The following FAM234B variants were observed in gnomAD, a reference collection of about 807,000 sequenced individuals.
FAM234B encodes the protein protein FAM234B.
Under a neutral mutation model 69.3 loss-of-function variants are expected in FAM234B, and 33 were observed. The ratio of observed to expected loss-of-function variants is 0.48; its 90% CI spans 0.36 to 0.64. The LOEUF (loss-of-function observed/expected upper bound fraction) is 0.64, where lower values mean the gene tolerates loss of function less well. Among genes scored for constraint, FAM234B ranks in the 30% least tolerant of loss-of-function variants. FAM234B has a pLI of 0.00. For missense variants in FAM234B, 697 were observed against 769.7 expected (o/e 0.91, Z 1.12); for synonymous variants, 306 against 306.9 (o/e 1.00, Z 0.03).
chr12:13,078,621 A>T (rs1339954824), intron 11 of FAM234B, among the ~76,000 whole-genome samples: 1 of 152,208 alleles, frequency 6.6e-6, no homozygotes, highest in Non-Finnish European at 1.5e-5. Flanking sequence ...AGATGACATG[A>T]TTGCATATCT....
At chr12:13,048,615 T>C (rs1302074710) in intron 1 of FAM234B, among the ~76,000 whole-genome samples, 2 of 152,234 alleles carry the variant, frequency 1.3e-5, no homozygotes, top group Non-Finnish European at 2.9e-5. Context: ...TTTCTAGTCT[T>C]TTTAAAGCCT....
At chr12:13,058,295 T>C (rs1864952067) in intron 2 of FAM234B, among the ~76,000 whole-genome samples, 156 bp from the exon 3 acceptor site, 1 of 152,182 alleles carries the variant, frequency 6.6e-6, no homozygotes. Flanking sequence ...GTCCAGGGCT[T>C]TTCCATGCAC....
chr12:13,074,946 A>G (rs1249232112), intron 10 of FAM234B, among the ~76,000 whole-genome samples: 1 of 152,300 alleles, frequency 6.6e-6, no homozygotes, highest in Non-Finnish European at 1.5e-5. Context: ...GAGGAGAGGC[A>G]CTTGGGAAGC....
intron 9 of FAM234B, 24 bp downstream of exon 9, chr12:13,068,735 A>G: frequency 6.8e-7 from 1 of 1,467,676 alleles, no homozygotes; most frequent in African/African-American, 1.4e-5. Context: ...CCTCAGATCA[A>G]TCAAAGCATA....
Position 13,080,002 on chromosome 12 carries a change from C to G in FAM234B, c.1856C>G (p.Pro619Arg). The change falls in exon 12 of 13, where the codon CCC becomes CGC. Residue 619 changes from proline to arginine, a missense_variant. By Grantham distance (103) the Pro-to-Arg change is moderately radical. Coordinates refer to ENST00000197268, the MANE Select transcript of FAM234B (RefSeq NM_020853.2). ...FLSRIKFVEAPYEI is the reference protein window; with the variant it reads ...FLSRIKFVEARYEI ...TCTAGGATAAAGTTTGTTGAAGCTCCCTACGAGGTGAGTGGCTGCAGAAAT... is the reference window on the plus strand; with the variant it reads ...TCTAGGATAAAGTTTGTTGAAGCTCGCTACGAGGTGAGTGGCTGCAGAAAT... 6.3e-7 allele frequency: 1 copy of G among 1,591,362 alleles called. No individual in the cohort carries two copies. The highest frequency in any genetic ancestry group is 1.1e-5 in the South Asian group (1 of 88,548).
chr12:13,077,274 T>A (rs1565512896), intron 11 of FAM234B, among the ~76,000 whole-genome samples: 1 of 152,064 alleles, frequency 6.6e-6, no homozygotes, highest in Non-Finnish European at 1.5e-5. Flanking sequence ...TTTTTTAAAT[T>A]TTATTATTAT....
chr12:13,045,095 G>A (rs944760950), intron 1 of FAM234B, among the ~76,000 whole-genome samples: 8 of 152,142 alleles, frequency 5.3e-5, no homozygotes, highest in Non-Finnish European at 8.8e-5. Flanking sequence ...GATTAAGCAT[G>A]GGAAATGATT....
intron 11 of FAM234B, 91 bp downstream of exon 11, chr12:13,076,234 G>A: frequency 1.0e-6 from 1 of 982,734 alleles, no homozygotes; most frequent in South Asian, 1.3e-5. Context: ...CCCACCCAGG[G>A]AAGGATGTGT....
chr12:13,058,502 G>A lies in FAM234B; in HGVS notation c.485G>A (p.Arg162His), dbSNP rs757967357. 24 of 1,613,880 alleles carry A rather than the reference G, an allele frequency of 1.5e-5. No homozygotes were observed. Among genetic ancestry groups the A allele is most frequent in the South Asian group, 9.9e-5 (9 of 91,080 alleles). Residue 162 changes from arginine to histidine, a missense_variant, in exon 3 of 13, where the codon CGT becomes CAT. By Grantham distance (29) the Arg-to-His change is conservative (BLOSUM62 0). Transcript: ENST00000197268. ...GCTGATGTGAATGGAGATGGCCTGC[G>A]TGATGTGCTTCTCTCCTTTGTGATG... is the stretch of plus-strand genomic sequence containing the variant. ...ELADVNGDGL[R>H]DVLLSFVMSR... is the part of the protein sequence containing the mutation.
At chr12:13,048,808 A>G (rs1293715030) in intron 1 of FAM234B, among the ~76,000 whole-genome samples, 1 of 152,232 alleles carries the variant, frequency 6.6e-6, no homozygotes, top group East Asian at 1.9e-4. Context: ...ATGGTCTTAC[A>G]GTTCTGTGTG....
chr12:13,061,553 T>TA (rs780166932), intron 3 of FAM234B, 22 bp from the exon 4 acceptor site: 86 of 1,583,960 alleles, frequency 5.4e-5, no homozygotes, highest in Middle Eastern at 1.8e-4. Context: ...TTCCTTTTTT[T>TA]ATCTCTCTTG....
chr12:13,066,762 G>T lies in FAM234B; in HGVS notation c.975G>T (p.Gly325=), dbSNP rs1367684600. The T allele has an allele frequency of 6.2e-7, 1 of 1,613,782 alleles. No individual in the cohort carries two copies. The highest frequency in any genetic ancestry group is 2.2e-5 in the East Asian group (1 of 44,844). ...CTCAGGTTTACATCACCACAAATGGGGCTGTCTACATCCTGTTTGGCTTTG... is the reference window on the plus strand; with the variant it reads ...CTCAGGTTTACATCACCACAAATGGTGCTGTCTACATCCTGTTTGGCTTTG... ...IGPQVYITTN[G]AVYILFGFGN... The change falls in exon 6 of 13, where the codon GGG becomes GGT. Residue 325 remains glycine, a synonymous_variant. Transcript: ENST00000197268.
intron 1 of FAM234B, among the ~76,000 whole-genome samples, chr12:13,051,576 C>G (rs1864877043): frequency 6.6e-6 from 1 of 152,212 alleles, no homozygotes; most frequent in African/African-American, 2.4e-5. Flanking sequence ...TTGTTGTTTG[C>G]TATCTGGAGT....
chr12:13,074,456 G>A (rs906582313), intron 10 of FAM234B, among the ~76,000 whole-genome samples: 1 of 152,186 alleles, frequency 6.6e-6, no homozygotes, highest in African/African-American at 2.4e-5. Flanking sequence ...AGGACGAGAA[G>A]TGTAGAGATG....
rs2120516368 is a variant in FAM234B at position 13,080,656 on chromosome 12, G to A, written c.*26G>A. 1 of 1,588,844 alleles carries A rather than the reference G, an allele frequency of 6.3e-7. No individual in the cohort carries two copies. The highest frequency in any genetic ancestry group is 2.2e-5 in the East Asian group (1 of 44,724). On this transcript the variant is annotated 3_prime_UTR_variant, in exon 13 of 13. Coordinates refer to ENST00000197268, the MANE Select transcript of FAM234B (RefSeq NM_020853.2). ...TCTGATGGAATCTTCAGTTGCAGAAGAAGTGAACAGAGTGGATACCCTCTC... is the reference window on the plus strand; with the variant it reads ...TCTGATGGAATCTTCAGTTGCAGAAAAAGTGAACAGAGTGGATACCCTCTC...
intron 1 of FAM234B, among the ~76,000 whole-genome samples, chr12:13,049,893 C>G (rs1211746190): frequency 1.3e-5 from 2 of 151,926 alleles, no homozygotes; most frequent in Non-Finnish European, 2.9e-5. Context: ...AAACATGGCT[C>G]CTTTCTGATT....
chr12:13,079,881 A>C lies in FAM234B; in HGVS notation c.1735A>C (p.Lys579Gln). ...CCATCCAGCAGCCCTGGTGGTCAGC[A>C]AGCTTAGTCTACGGTGGGCACTAAT... is the stretch of plus-strand genomic sequence containing the variant. ...EGHPAALVVS[K>Q]LSLRWALMEG... is the part of the protein sequence containing the mutation. The change falls in exon 12 of 13, where the codon AAG (lysine) becomes CAG (glutamine). Residue 579 changes from lysine to glutamine, a missense_variant. Physicochemically the swap from Lys to Gln is moderately conservative, Grantham distance 53 (BLOSUM62 1). Around this residue, in one of 3 missense-constraint regions of FAM234B, gnomAD observed 313 missense variants for 305.5 expected, o/e 1.02. Coordinates refer to ENST00000197268, the MANE Select transcript of FAM234B (RefSeq NM_020853.2). 6.2e-7 allele frequency: 1 copy of C among 1,613,958 alleles called. No individual in the cohort carries two copies. The highest frequency in any genetic ancestry group is 8.5e-7 in the Non-Finnish European group (1 of 1,179,946).
chr12:13,066,758 A>G lies in FAM234B; in HGVS notation c.971A>G (p.Asn324Ser). 1 of 1,613,930 alleles carries G rather than the reference A, an allele frequency of 6.2e-7. No individual in the cohort carries two copies. Among genetic ancestry groups the G allele is most frequent in the East Asian group, 2.2e-5 (1 of 44,864 alleles). Residue 324 changes from asparagine (N) to serine (S), a missense_variant, in exon 6 of 13, where the codon AAT (asparagine) becomes AGT (serine). Transcript: ENST00000197268. ...LIGPQVYITT[N>S]GAVYILFGFG... Reference sequence around the variant, plus strand: ...GGTCCTCAGGTTTACATCACCACAAATGGGGCTGTCTACATCCTGTTTGGC... The same window carrying G: ...GGTCCTCAGGTTTACATCACCACAAGTGGGGCTGTCTACATCCTGTTTGGC...
rs963403699 is a variant in FAM234B at position 13,081,552 on chromosome 12, A to G, written c.*922A>G. On this transcript the variant is annotated 3_prime_UTR_variant, in exon 13 of 13. Transcript: ENST00000197268. ...GTATGTCTTCTCTGCATCTTTTTCT[A>G]TAGGGCACCCTCCTTAGCTCCCCTC... 1 of 152,084 alleles carries G rather than the reference A, an allele frequency of 6.6e-6. No individual in the cohort carries two copies. The highest frequency in any genetic ancestry group is 6.6e-5 in the Admixed American group (1 of 15,262). The allele number at this position is 152,084 out of a possible 1,614,324, so 9.4% of individuals were successfully genotyped here.
Sources: gnomAD v4.1 joint callset for allele counts (sites outside exome capture counted in the v4.1 genomes callset) on GRCh38, gnomAD v4.1.1 for gene constraint, gnomAD v4.1.1 regional missense constraint, MANE v1.5 for transcripts, NCBI Gene and HGNC (gene_info 2026-07-23, HGNC 2026-07-21) for gene names.